Variants in DENND2C observed in about 807,000 individuals in gnomAD.
DENND2C encodes DENN domain-containing protein 2C.
A neutral mutation model predicts 112.4 loss-of-function variants in DENND2C; 72 were observed. The ratio of observed to expected loss-of-function variants is 0.64; its 90% CI spans 0.53 to 0.78. The LOEUF (loss-of-function observed/expected upper bound fraction) is 0.78, where lower values mean the gene tolerates loss of function less well. DENND2C is among the 30% of genes least tolerant of loss of function. The probability of loss-of-function intolerance (pLI) is 0.00; values close to 1 mark genes in which losing one functional copy is unlikely to be tolerated. For missense variants in DENND2C, 992 were observed against 1,113.8 expected, an observed-to-expected ratio of 0.89 and a Z score of 1.56; for synonymous variants, 329 against 381.6, an observed-to-expected ratio of 0.86 and a Z score of 1.61.
At position 114,626,131 on chromosome 1, in the gene DENND2C, A is replaced by G; in HGVS notation, c.-147T>C. On this transcript the variant is annotated 5_prime_UTR_variant, in exon 4 of 21. Coordinates refer to ENST00000393274, the MANE Select transcript of DENND2C (RefSeq NM_001256404.2). ...TTAACTTGTAAATCTCTTTGTAAAA[A>G]GAAAATTTTGATCAGTGATCCTTGT... The G allele has an allele frequency of 1.2e-6, 1 of 847,020 alleles. No individual in the cohort carries two copies. The highest frequency in any genetic ancestry group is 1.7e-6 in the Non-Finnish European group (1 of 579,374). 52.5% of individuals were successfully genotyped at this position (847,020 alleles called of 1,614,324 possible). A position where few individuals can be genotyped will look rare whatever the true frequency, so the allele number is the denominator to read the frequency against.
At chr1:114,605,616 A>G (rs921186460) in intron 10 of DENND2C, among the ~76,000 whole-genome samples, 1 of 152,170 alleles carries the variant, frequency 6.6e-6, no homozygotes, top group Non-Finnish European at 1.5e-5. Context: ...ACATGGTGAA[A>G]CCCCATCTCT....
intron 7 of DENND2C, among the ~76,000 whole-genome samples, chr1:114,619,992 T>C (rs963667461): frequency 2.6e-5 from 4 of 152,094 alleles, no homozygotes; most frequent in Admixed American, 2.6e-4. Context: ...TAGTAGGAAA[T>C]GTACTCTAGC....
intron 10 of DENND2C, 30 bp from the exon 11 acceptor site, chr1:114,605,061 A>G: frequency 6.7e-7 from 1 of 1,495,362 alleles, no homozygotes. Flanking sequence ...AGGTGACTTA[A>G]ATTATACTAT....
chr1:114,649,906 T>A (rs896860453), intron 2 of DENND2C, among the ~76,000 whole-genome samples: 1 of 152,226 alleles, frequency 6.6e-6, no homozygotes, highest in Non-Finnish European at 1.5e-5. Flanking sequence ...GTCTACTACC[T>A]CCAACATGGT....
intron 1 of DENND2C, among the ~76,000 whole-genome samples, chr1:114,664,328 G>A (rs141058110): frequency 7.7e-4 from 117 of 152,166 alleles, no homozygotes; most frequent in Middle Eastern, 6.8e-3. Flanking sequence ...GATTGTGAAC[G>A]GAAGCTGGGC....
rs745336288 is a variant in DENND2C at position 114,600,840 on chromosome 1, G to A, written c.1936C>T (p.Leu646Phe). 11 of 1,613,024 alleles carry A rather than the reference G, an allele frequency of 6.8e-6. No homozygotes were observed. Among genetic ancestry groups the A allele is most frequent in the Non-Finnish European group, 7.6e-6 (9 of 1,179,564 alleles). ...CTTACCTCATCTCCAGCCCCAGGGA[G>A]GTAACTCTTAACTGTGATGGTGCGT... The part of the protein sequence containing the change: ...PGRTITVKSY[L>F]PGAGDESIEL... Residue 646 changes from leucine to phenylalanine, a missense_variant, in exon 14 of 21, where the codon CTC becomes TTC. Around this residue, in one of 3 missense-constraint regions of DENND2C, gnomAD observed 516 missense variants for 623.6 expected, o/e 0.83. Coordinates refer to ENST00000393274, the MANE Select transcript of DENND2C (RefSeq NM_001256404.2).
chr1:114,595,766 T>C, intron 17 of DENND2C, 66 bp downstream of exon 17: 1 of 1,402,642 alleles, frequency 7.1e-7, no homozygotes, highest in Non-Finnish European at 1.0e-6. Context: ...TCACATATTG[T>C]CTGTCCAATT....
At chr1:114,649,361 ACCTAGTGTTTT>A (rs1318546646) in intron 2 of DENND2C, among the ~76,000 whole-genome samples, 8 of 152,236 alleles carry the variant, frequency 5.3e-5, no homozygotes, top group African/African-American at 1.9e-4. Context: ...CTTTAATGTA[ACCTAGTGTTTT>A]CCTAGTGTTT....
At chr1:114,595,919 G>T in intron 16 of DENND2C, 46 bp from the exon 17 acceptor site, 1 of 1,538,774 alleles carries the variant, frequency 6.5e-7, no homozygotes, top group South Asian at 1.1e-5. Context: ...GACATTCACA[G>T]ACAAATACAG....
Position 114,620,472 on chromosome 1 carries a change from A to G in DENND2C, c.1227+1423T>C, listed in dbSNP as rs562432331. ...CTATAAAGCTTCCCTGGGTCTCATT[A>G]AACTCTATAATCCATAATTCCTAAA... is the stretch of plus-strand genomic sequence containing the variant. On this transcript the variant is annotated intron_variant, in intron 7 of 20. Coordinates refer to ENST00000393274, the MANE Select transcript of DENND2C (RefSeq NM_001256404.2). 5.3e-5 allele frequency among the ~76,000 whole-genome samples: 8 copies of G among 152,356 alleles called. No homozygotes were observed. The South Asian group carries it at 1.7e-3, about 32-fold the overall frequency.
intron 2 of DENND2C, among the ~76,000 whole-genome samples, chr1:114,651,643 G>A (rs1657168718): frequency 6.6e-6 from 1 of 152,022 alleles, no homozygotes; most frequent in African/African-American, 2.4e-5. Context: ...GGAGGCTGAG[G>A]CAGGAGAATG....
At chr1:114,644,676 A>G (rs1265220932) in intron 3 of DENND2C, among the ~76,000 whole-genome samples, 2 of 152,202 alleles carry the variant, frequency 1.3e-5, no homozygotes, top group African/African-American at 4.8e-5. Flanking sequence ...TTCTATCCTC[A>G]TAACAATCCT....
Position 114,600,970 on chromosome 1 carries a change from C to T in DENND2C, c.1816-10G>A, listed in dbSNP as rs1655488918. The T allele has an allele frequency of 1.2e-6, 2 of 1,608,356 alleles. No individual in the cohort carries two copies. Among genetic ancestry groups the T allele is most frequent in the Non-Finnish European group, 1.7e-6 (2 of 1,177,382 alleles). ...CTACTTCATCCAGAATCTATATACG[C>T]AAAGTGTTATTTTATTATGGACTAA... On this transcript the variant is annotated splice_polypyrimidine_tract_variant and intron_variant, in intron 13 of 20. Coordinates refer to ENST00000393274, the MANE Select transcript of DENND2C (RefSeq NM_001256404.2).
At chr1:114,653,613 T>G (rs1657229604) in intron 2 of DENND2C, among the ~76,000 whole-genome samples, 1 of 152,160 alleles carries the variant, frequency 6.6e-6, no homozygotes, top group Non-Finnish European at 1.5e-5. Context: ...ACTTTTTATT[T>G]TATAACTTTT....
At chr1:114,604,102 A>G (rs1655592505) in intron 11 of DENND2C, among the ~76,000 whole-genome samples, 2 of 152,334 alleles carry the variant, frequency 1.3e-5, no homozygotes, top group Admixed American at 1.3e-4. Context: ...AACTGACAAC[A>G]CAAGAGCATC....
chr1:114,610,089 C>G (rs1189723991), intron 9 of DENND2C, among the ~76,000 whole-genome samples: 5 of 152,212 alleles, frequency 3.3e-5, no homozygotes, highest in African/African-American at 1.2e-4. Context: ...AGATTAGGAA[C>G]TGGAACTGCC....
chr1:114,660,229 T>C lies in DENND2C; in HGVS notation c.-573-5468A>G, dbSNP rs946139729. The stretch of plus-strand genomic sequence containing the variant: ...TTAAAATGTTGGTTACTCAGCAAGC[T>C]TCCTTTAATATAATTAACAACTTTC... On this transcript the variant is annotated intron_variant, in intron 1 of 20. Transcript: ENST00000393274. Among the ~76,000 whole-genome samples the C allele has an allele frequency of 2.0e-5, 3 of 152,258 alleles. No homozygotes were observed. In the South Asian group the frequency reaches 6.2e-4, roughly 31 times the overall value.
chr1:114,611,618 C>T (rs1655819435), intron 8 of DENND2C, among the ~76,000 whole-genome samples: 1 of 152,126 alleles, frequency 6.6e-6, no homozygotes, highest in East Asian at 1.9e-4. Context: ...TGCCTCTAAA[C>T]TACTTCTAGT....
At chr1:114,624,650 C>G (rs1656280878) in intron 4 of DENND2C, among the ~76,000 whole-genome samples, 1 of 139,900 alleles carries the variant, frequency 7.1e-6, no homozygotes, top group Non-Finnish European at 1.5e-5. Flanking sequence ...GAGACTGAGT[C>G]TTGCTCTGTC....
Sources: allele counts gnomAD v4.1 joint callset (sites outside exome capture counted in the v4.1 genomes callset), GRCh38; gene constraint gnomAD v4.1.1; regional missense constraint gnomAD v4.1.1; transcripts MANE v1.5; gene names NCBI Gene and HGNC (gene_info 2026-07-23, HGNC 2026-07-21).